Variants in MYH11 observed in about 807,000 individuals in gnomAD.
MYH11 encodes the protein myosin heavy chain 11, also known as myosin-11.
In MYH11, 80 loss-of-function variants were observed where a neutral mutation model predicts 246.6. The observed-to-expected ratio is 0.32, with a 90% CI of 0.27 to 0.39. The LOEUF (loss-of-function observed/expected upper bound fraction) is 0.39. Ranked by LOEUF, MYH11 falls within the 10% of genes least tolerant of loss-of-function variation. The pLI is 1.00. For synonymous variants in MYH11, 1,071 were observed against 1,015.5 expected (o/e 1.05, Z -1.04); for missense variants, 2,158 against 2,546.8 (o/e 0.85, Z 3.29).
intron 14 of MYH11, among the ~76,000 whole-genome samples, chr16:15,754,701 T>C (rs1027356927): frequency 2.0e-5 from 3 of 152,214 alleles, no homozygotes; most frequent in Admixed American, 1.3e-4. Context: ...TGGTTCTCTG[T>C]TGCCCAGTCT....
intron 5 of MYH11, chr16:15,784,575 ACT>A: frequency 2.9e-6 from 3 of 1,019,110 alleles, no homozygotes; most frequent in Non-Finnish European, 4.4e-6. Flanking sequence ...AAGTTGTGAA[ACT>A]CTAGGGCCTA....
chr16:15,810,236 C>A (rs190853751), intron 3 of MYH11, among the ~76,000 whole-genome samples: 1 of 151,784 alleles, frequency 6.6e-6, no homozygotes, highest in Non-Finnish European at 1.5e-5. Context: ...GGTTTCACTA[C>A]ATTGGCCAGG....
chr16:15,791,510 T>C (rs994818835), intron 4 of MYH11: 3 of 152,136 alleles, frequency 2.0e-5, no homozygotes, highest in Admixed American at 6.6e-5. Flanking sequence ...ATAGCATCAA[T>C]TGGCAGAATA....
intron 16 of MYH11, 111 bp from the exon 17 acceptor site, chr16:15,748,279 C>G: frequency 6.5e-7 from 1 of 1,545,482 alleles, no homozygotes; most frequent in Non-Finnish European, 8.7e-7. Flanking sequence ...AGGGTACCAA[C>G]AGAAGCACCC....
chr16:15,803,964 G>A (rs2042950621), intron 3 of MYH11, among the ~76,000 whole-genome samples: 1 of 152,176 alleles, frequency 6.6e-6, no homozygotes, highest in Admixed American at 6.5e-5. Context: ...CCATGTGGGT[G>A]CTGTCTGCCA....
intron 1 of MYH11, among the ~76,000 whole-genome samples, chr16:15,850,635 G>A (rs1308058704): frequency 2.6e-5 from 4 of 152,058 alleles, no homozygotes; most frequent in Non-Finnish European, 5.9e-5. Flanking sequence ...TGTGGCTCAC[G>A]TCTGTAATCC....
intron 20 of MYH11, among the ~76,000 whole-genome samples, chr16:15,742,663 T>C (rs750771767): frequency 9.9e-5 from 15 of 151,954 alleles, no homozygotes; most frequent in Non-Finnish European, 2.1e-4. Context: ...CCCTGCAGGC[T>C]GAGGCTGCAG....
intron 40 of MYH11, among the ~76,000 whole-genome samples, chr16:15,710,773 T>A (rs545612726): frequency 6.6e-6 from 1 of 151,822 alleles, no homozygotes; most frequent in Non-Finnish European, 1.5e-5. Context: ...TCCTCCTGGG[T>A]TGCAAAGGAG....
At chr16:15,706,358 C>T (rs1047785977) in intron 40 of MYH11, among the ~76,000 whole-genome samples, 2 of 152,114 alleles carry the variant, frequency 1.3e-5, no homozygotes, top group African/African-American at 4.8e-5. Flanking sequence ...TTGACTGTTC[C>T]CTGTACGCTC....
intron 6 of MYH11, among the ~76,000 whole-genome samples, chr16:15,779,732 G>A (rs1268710623): frequency 6.6e-6 from 1 of 152,162 alleles, no homozygotes; most frequent in African/African-American, 2.4e-5. Context: ...CCTGGCCCTA[G>A]AGGCTCAACA....
intron 1 of MYH11, among the ~76,000 whole-genome samples, chr16:15,842,485 G>A (rs1387822993): frequency 6.6e-6 from 1 of 152,026 alleles, no homozygotes; most frequent in African/African-American, 2.4e-5. Flanking sequence ...GTGGCGGCTA[G>A]GTGCGGTGGC....
intron 40 of MYH11, among the ~76,000 whole-genome samples, chr16:15,712,562 C>T (rs1203954872): frequency 6.6e-6 from 1 of 152,012 alleles, no homozygotes; most frequent in African/African-American, 2.4e-5. Flanking sequence ...TGCTACTGCA[C>T]TCCAGCCTGG....
chr16:15,739,557 T>C (rs1165395697), intron 23 of MYH11, among the ~76,000 whole-genome samples: 1 of 152,140 alleles, frequency 6.6e-6, no homozygotes, highest in Non-Finnish European at 1.5e-5. Context: ...TGGCTCACAG[T>C]AGGGGCCAAG....
intron 5 of MYH11, chr16:15,784,966 T>C (rs2042434867): frequency 2.3e-6 from 1 of 441,596 alleles, no homozygotes; most frequent in South Asian, 3.3e-5. Context: ...CCCAAGTAGC[T>C]AAGACTACAG....
At chr16:15,753,371 G>A (rs1465974729) in intron 15 of MYH11, 23 bp downstream of exon 15, 3 of 1,599,860 alleles carry the variant, frequency 1.9e-6, no homozygotes, top group Non-Finnish European at 2.6e-6. Context: ...GCAGAACATG[G>A]ACCCGAGCAG....
At position 15,740,750 on chromosome 16, in the gene MYH11, G is replaced by T. The variant is rs577933016; in HGVS notation, c.2860-562C>A. ...AAGTTCTTTGCGACTCCAAAAAGGT[G>T]GAGCCTAATTCTCCTCCCCTTGAGT... On this transcript the variant is annotated intron_variant, in intron 22 of 40. Coordinates refer to ENST00000300036, the MANE Select transcript of MYH11 (RefSeq NM_002474.3). Among the ~76,000 whole-genome samples, 4 of 152,288 alleles carry T rather than the reference G, an allele frequency of 2.6e-5. No individual in the cohort carries two copies. The South Asian group carries it at 8.3e-4, about 32-fold the overall frequency.
At chr16:15,829,768 G>A (rs2043678969) in intron 2 of MYH11, among the ~76,000 whole-genome samples, 1 of 152,170 alleles carries the variant, frequency 6.6e-6, no homozygotes, top group Non-Finnish European at 1.5e-5. Flanking sequence ...AGCAGGGGGT[G>A]CTCCCGGGGC....
Position 15,807,831 on chromosome 16 carries a change from C to T in MYH11, c.503-9144G>A, listed in dbSNP as rs191104508. Among the ~76,000 whole-genome samples, 4 of 152,324 alleles carry T rather than the reference C, an allele frequency of 2.6e-5. No homozygotes were observed. The East Asian group carries it at 5.8e-4, about 22-fold the overall frequency. On this transcript the variant is annotated intron_variant, in intron 3 of 40. Transcript: ENST00000300036. ...TAAAGGGCTTCAGCGGTTCCTCCCCCGCTGTGGGCCTGAGGACTCCCAGGA... is the reference window on the plus strand; with the variant it reads ...TAAAGGGCTTCAGCGGTTCCTCCCCTGCTGTGGGCCTGAGGACTCCCAGGA...
chr16:15,781,147 C>T (rs2042344109), intron 6 of MYH11, among the ~76,000 whole-genome samples: 1 of 152,212 alleles, frequency 6.6e-6, no homozygotes, highest in South Asian at 2.1e-4. Context: ...CTCAAGTGAT[C>T]TGCCCGCCTC....
Sources: gnomAD v4.1 joint callset for allele counts (sites outside exome capture counted in the v4.1 genomes callset) on GRCh38, gnomAD v4.1.1 for gene constraint, MANE v1.5 for transcripts, NCBI Gene and HGNC (gene_info 2026-07-23, HGNC 2026-07-21) for gene names.